The following GPC5 variants were observed in gnomAD, a reference collection of about 807,000 sequenced individuals.
The protein encoded by GPC5 is glypican-5.
GPC5 carries 47 observed loss-of-function variants against 53.9 expected under a neutral mutation model. That is an observed-to-expected ratio of 0.87 (90% CI 0.69 to 1.11). The LOEUF (loss-of-function observed/expected upper bound fraction) is 1.11, where lower values mean the gene tolerates loss of function less well. Ranked by LOEUF, GPC5 falls within the 50% of genes most tolerant of loss-of-function variation. The pLI, the probability that GPC5 is intolerant of heterozygous loss-of-function variation, is 0.00. For synonymous variants in GPC5, 286 were observed against 263.3 expected (o/e 1.09, Z -0.84); for missense variants, 748 against 713.1 (o/e 1.05, Z -0.56).
chr13:92,120,145 A>T (rs2041636907), intron 6 of GPC5, among the ~76,000 whole-genome samples: 1 of 152,248 alleles, frequency 6.6e-6, no homozygotes, highest in African/African-American at 2.4e-5. Flanking sequence ...TCATTATTCC[A>T]TCCGCTAATT....
At chr13:91,469,709 A>G (rs1882487533) in intron 2 of GPC5, among the ~76,000 whole-genome samples, 1 of 152,194 alleles carries the variant, frequency 6.6e-6, no homozygotes, top group Non-Finnish European at 1.5e-5. Flanking sequence ...AGAATTTTGT[A>G]AACCTTTGTT....
chr13:92,450,113 T>C (rs1240700631), intron 7 of GPC5, among the ~76,000 whole-genome samples: 2 of 152,266 alleles, frequency 1.3e-5, no homozygotes, highest in South Asian at 4.1e-4. Context: ...TCTTCCCTTT[T>C]TTTGCATTTA....
At chr13:91,656,106 T>C (rs185952909) in intron 2 of GPC5, among the ~76,000 whole-genome samples, 1 of 152,250 alleles carries the variant, frequency 6.6e-6, no homozygotes, top group East Asian at 1.9e-4. Flanking sequence ...TCTCACTACT[T>C]TTACTAACTG....
intron 7 of GPC5, among the ~76,000 whole-genome samples, chr13:92,292,880 A>T (rs2043007630): frequency 6.6e-6 from 1 of 152,112 alleles, no homozygotes. Flanking sequence ...ATTCTCCTAC[A>T]TGTGGCTAGC....
chr13:92,807,800 G>A (rs922809860), intron 7 of GPC5, among the ~76,000 whole-genome samples: 3 of 152,010 alleles, frequency 2.0e-5, no homozygotes, highest in South Asian at 4.1e-4. Context: ...CGACTGACAC[G>A]CTTTAAAGGC....
rs180793381 is a variant in GPC5, at chr13:92,866,760, T to C, written c.*321T>C. On this transcript the variant is annotated 3_prime_UTR_variant, in exon 8 of 8. Coordinates refer to ENST00000377067, the MANE Select transcript of GPC5 (RefSeq NM_004466.6). ...GTGTATCTGTAATTTTATTATCAAT[T>C]CCAAGCCCCTTCCTTTCTAAATTAA... 35 of 181,190 alleles carry C rather than the reference T, an allele frequency of 1.9e-4. 1 individual carries two copies. In the East Asian group the frequency reaches 4.5e-3, roughly 23 times the overall value. The allele number at this position is 181,190 out of a possible 1,614,324, so 11.2% of individuals were successfully genotyped here. A position where few individuals can be genotyped will look rare whatever the true frequency, so the allele number is the denominator to read the frequency against.
chr13:91,708,488 G>A (rs1021625224), intron 3 of GPC5, among the ~76,000 whole-genome samples: 8 of 152,284 alleles, frequency 5.3e-5, no homozygotes, highest in Admixed American at 5.2e-4. Flanking sequence ...CATGGAGATA[G>A]AAAGTAGATT....
At chr13:92,108,814 G>A (rs1377140458) in intron 6 of GPC5, among the ~76,000 whole-genome samples, 1 of 151,956 alleles carries the variant, frequency 6.6e-6, no homozygotes, top group Non-Finnish European at 1.5e-5. Flanking sequence ...ATACTTGTCA[G>A]TATCACCAGG....
intron 7 of GPC5, among the ~76,000 whole-genome samples, chr13:92,647,788 G>A (rs1032322158): frequency 6.6e-6 from 1 of 152,006 alleles, no homozygotes; most frequent in African/African-American, 2.4e-5. Context: ...TCTTCTTACT[G>A]TATTGAAATT....
intron 3 of GPC5, among the ~76,000 whole-genome samples, chr13:91,704,448 G>A (rs568920117): frequency 5.1e-4 from 77 of 152,250 alleles, no homozygotes; most frequent in African/African-American, 1.8e-3. Flanking sequence ...AAGCTCCCAC[G>A]GCATTGCTGC....
chr13:92,854,885 T>C (rs1261057388), intron 7 of GPC5, among the ~76,000 whole-genome samples: 1 of 152,020 alleles, frequency 6.6e-6, no homozygotes, highest in Non-Finnish European at 1.5e-5. Context: ...GCTTTTTAGT[T>C]TAAAAATGTT....
At chr13:92,285,083 T>C (rs990758491) in intron 7 of GPC5, among the ~76,000 whole-genome samples, 2 of 152,142 alleles carry the variant, frequency 1.3e-5, no homozygotes, top group Non-Finnish European at 2.9e-5. Context: ...TCACAAGCAT[T>C]CTTATACACT....
At chr13:92,410,957 A>C (rs1352799838) in intron 7 of GPC5, among the ~76,000 whole-genome samples, 4 of 152,232 alleles carry the variant, frequency 2.6e-5, no homozygotes. Flanking sequence ...ACTTGAGGCC[A>C]GGCGCAGTGG....
At chr13:91,809,529 G>T (rs1174593909) in intron 5 of GPC5, among the ~76,000 whole-genome samples, 2 of 152,074 alleles carry the variant, frequency 1.3e-5, no homozygotes, top group Non-Finnish European at 2.9e-5. Flanking sequence ...GGCTCTGTTA[G>T]AGAAAAGTTA....
chr13:92,509,310 C>T (rs552461060), intron 7 of GPC5, among the ~76,000 whole-genome samples: 63 of 152,204 alleles, frequency 4.1e-4, no homozygotes, highest in Non-Finnish European at 6.8e-4. Context: ...TTAATTATCT[C>T]TGACCCTTTA....
intron 6 of GPC5, among the ~76,000 whole-genome samples, chr13:92,011,113 C>A (rs752877385): frequency 6.6e-6 from 1 of 151,952 alleles, no homozygotes; most frequent in Non-Finnish European, 1.5e-5. Context: ...GTGTAGATAA[C>A]TATATAGATA....
chr13:91,494,762 C>T (rs912318154), intron 2 of GPC5, among the ~76,000 whole-genome samples: 4 of 152,166 alleles, frequency 2.6e-5, no homozygotes, highest in Non-Finnish European at 4.4e-5. Flanking sequence ...TACTAAAGTT[C>T]TTGCTTTTTC....
At position 92,482,780 on chromosome 13, in the gene GPC5, T is replaced by A. The variant is rs139573131; in HGVS notation, c.1561+337791T>A. ...AAAATGAGCAAATAGTTCTCATCCTTAAGAACATTCTAAATCAGTAGGAAG... is the reference window on the plus strand; with the variant it reads ...AAAATGAGCAAATAGTTCTCATCCTAAAGAACATTCTAAATCAGTAGGAAG... On this transcript the variant is annotated intron_variant, in intron 7 of 7. Coordinates refer to ENST00000377067, the MANE Select transcript of GPC5 (RefSeq NM_004466.6). Among the ~76,000 whole-genome samples, 678 of 152,290 alleles carry A rather than the reference T, an allele frequency of 4.5e-3. 6 individuals are homozygous for A. The highest frequency in any genetic ancestry group is 0.015 in the African/African-American group (641 of 41,566).
intron 7 of GPC5, among the ~76,000 whole-genome samples, chr13:92,439,198 G>T (rs997186221): frequency 1.3e-5 from 2 of 152,158 alleles, no homozygotes; most frequent in African/African-American, 4.8e-5. Context: ...ATACTGAGAA[G>T]AAATAACTCC....
Sources: gnomAD v4.1 joint callset for allele counts (sites outside exome capture counted in the v4.1 genomes callset) on GRCh38, gnomAD v4.1.1 for gene constraint, MANE v1.5 for transcripts, NCBI Gene and HGNC (gene_info 2026-07-23, HGNC 2026-07-21) for gene names.